LINC00632: variants seen among roughly 807,000 people sequenced by gnomAD.
The protein encoded by LINC00632 is ALDOA related specific transcript.
chrX:140,788,241 G>C (rs1932045929), exon 5 of LINC00632, among the ~76,000 whole-genome samples: 1 of 110,202 alleles, frequency 9.1e-6, no homozygotes, highest in South Asian at 3.8e-4. Context: ...TAACATTCTA[G>C]TACTCGTGTG....
At chrX:140,773,345 T>C (rs139564260) in exon 4 of LINC00632, among the ~76,000 whole-genome samples, 1,736 of 112,249 alleles carry the variant, frequency 0.015, 29 homozygotes, top group African/African-American at 0.053. Context: ...AATGGCAATT[T>C]GCCTGAGCAG....
chrX:140,774,904 T>A (rs1478923436), exon 5 of LINC00632, among the ~76,000 whole-genome samples: 2 of 111,624 alleles, frequency 1.8e-5, no homozygotes, highest in African/African-American at 6.5e-5. Context: ...TGTACTTGGC[T>A]GGATAATTTG....
At chrX:140,764,510 G>A (rs1931652243) in intron 3 of LINC00632, 2 of 112,677 alleles carry the variant, frequency 1.8e-5, no homozygotes, top group South Asian at 7.4e-4. Context: ...AGGGTGGCGA[G>A]TCAGGAGCCG....
At chrX:140,766,116 C>G (rs971247092) in intron 3 of LINC00632, among the ~76,000 whole-genome samples, 15 of 111,794 alleles carry the variant, frequency 1.3e-4, no homozygotes, top group African/African-American at 4.6e-4. Context: ...GTGGGCAGAA[C>G]GGTCATTGTC....
At chrX:140,717,910 G>A (rs1353561872) in intron 2 of LINC00632, among the ~76,000 whole-genome samples, 1 of 111,243 alleles carries the variant, frequency 9.0e-6, no homozygotes. Flanking sequence ...GCCGAGACGG[G>A]TGGATTAGCT....
At chrX:140,768,814 T>C (rs758046475) in intron 3 of LINC00632, among the ~76,000 whole-genome samples, 320 of 101,723 alleles carry the variant, frequency 3.1e-3, no homozygotes, top group African/African-American at 0.011. Flanking sequence ...TATAAGTATA[T>C]ATATTTGTAT....
At chrX:140,770,406 T>G (rs753566804) in intron 3 of LINC00632, among the ~76,000 whole-genome samples, 1 of 111,719 alleles carries the variant, frequency 9.0e-6, no homozygotes, top group Non-Finnish European at 1.9e-5. Flanking sequence ...GATTTAAAAA[T>G]TGGTAACTAT....
exon 5 of LINC00632, among the ~76,000 whole-genome samples, chrX:140,777,788 C>A (rs1274665502): frequency 8.9e-6 from 1 of 112,236 alleles, no homozygotes; most frequent in African/African-American, 3.2e-5. Context: ...AGAATAAGAC[C>A]ACTTGGTGTC....
intron 2 of LINC00632, among the ~76,000 whole-genome samples, chrX:140,726,383 G>C (rs1277084061): frequency 1.8e-5 from 2 of 111,083 alleles, no homozygotes; most frequent in Non-Finnish European, 3.8e-5. Flanking sequence ...AACCAACTCA[G>C]ATCTACCCTA....
At chrX:140,782,493 AGGTC>A (rs1407308907) in exon 5 of LINC00632, 1 of 111,715 alleles carries the variant, frequency 9.0e-6, no homozygotes, top group Non-Finnish European at 1.9e-5. Flanking sequence ...TTCAAAGTCC[AGGTC>A]TTGTCTTTCA....
intron 2 of LINC00632, among the ~76,000 whole-genome samples, chrX:140,712,562 G>T (rs1930541139): frequency 9.1e-6 from 1 of 109,836 alleles, no homozygotes; most frequent in South Asian, 4.0e-4. Context: ...GCTGGCCGTA[G>T]TCTCATGTAG....
intron 2 of LINC00632, chrX:140,714,845 A>C (rs867006341): frequency 4.5e-5 from 4 of 88,588 alleles, no homozygotes; most frequent in Admixed American, 3.9e-4. Context: ...AAAATAAAAA[A>C]AAAAACAACC....
intron 3 of LINC00632, among the ~76,000 whole-genome samples, chrX:140,735,463 T>C (rs1043389797): frequency 8.9e-6 from 1 of 112,093 alleles, no homozygotes; most frequent in Non-Finnish European, 1.9e-5. Flanking sequence ...ATTTGAGGCA[T>C]TATTTAAAAT....
chrX:140,774,767 T>C (rs1931851163), exon 5 of LINC00632, among the ~76,000 whole-genome samples: 2 of 111,555 alleles, frequency 1.8e-5, no homozygotes, highest in Non-Finnish European at 3.8e-5. Context: ...AACAAACTGA[T>C]TGTCTAGGCT....
In LINC00632 at chrX:140,771,682, TA is replaced by T. The variant is rs1437720659; in HGVS notation, n.192-395del. ...GTGTGTGTGTATATATATATATATATATATTTTTTTTTTTTGAGACGGAATC... is the reference window on the plus strand; with the variant it reads ...GTGTGTGTGTATATATATATATATATTATTTTTTTTTTTTGAGACGGAATC... On this transcript the variant is annotated intron_variant and non_coding_transcript_variant, in intron 3 of 4. Coordinates refer to ENST00000648200, the Ensembl canonical transcript of LINC00632. Among the ~76,000 whole-genome samples the T allele has an allele frequency of 4.2e-3, 157 of 37,171 alleles. 6 individuals are homozygous for T. Among genetic ancestry groups the T allele is most frequent in the African/African-American group, 0.018 (148 of 8,251 alleles). 32.3% of individuals were successfully genotyped at this position (37,171 alleles called of 115,157 possible).
exon 5 of LINC00632, among the ~76,000 whole-genome samples, chrX:140,787,211 C>G (rs1461656524): frequency 2.7e-5 from 3 of 111,126 alleles, no homozygotes; most frequent in Non-Finnish European, 5.7e-5. Flanking sequence ...ATTTCAGTAT[C>G]TAGAGATAAT....
exon 5 of LINC00632, among the ~76,000 whole-genome samples, chrX:140,790,357 T>A (rs1187259715): frequency 9.0e-6 from 1 of 111,666 alleles, no homozygotes; most frequent in African/African-American, 3.3e-5. Flanking sequence ...TTTGGAATTC[T>A]CTTTTTATCA....
intron 3 of LINC00632, among the ~76,000 whole-genome samples, chrX:140,771,494 G>A (rs1602753186): frequency 9.4e-6 from 1 of 106,078 alleles, no homozygotes; most frequent in Non-Finnish European, 1.9e-5. Context: ...CCTTCTAATT[G>A]ATACAAGTCA....
At chrX:140,723,568 T>C (rs1930791687) in intron 2 of LINC00632, among the ~76,000 whole-genome samples, 1 of 6,777 alleles carries the variant, frequency 1.5e-4, no homozygotes, top group African/African-American at 4.9e-4. Flanking sequence ...CAGACACACA[T>C]TCCATACACA....
Sources: allele counts gnomAD v4.1 joint callset (sites outside exome capture counted in the v4.1 genomes callset), GRCh38; gene constraint gnomAD v4.1.1; transcripts MANE v1.5; gene names NCBI Gene and HGNC (gene_info 2026-07-23, HGNC 2026-07-21).